The following RTN3 variants were observed in gnomAD, a reference collection of about 807,000 sequenced individuals.
RTN3 encodes reticulon 3, also known as reticulon-3.
Under a neutral mutation model 77.8 loss-of-function variants are expected in RTN3, and 49 were observed. The ratio of observed to expected loss-of-function variants is 0.63; its 90% confidence interval spans 0.50 to 0.80. RTN3 has a LOEUF of 0.80. Among genes scored for constraint, RTN3 ranks in the 30% least tolerant of loss-of-function variants. The pLI is 0.00. For missense variants in RTN3, 1,236 were observed against 1,211.9 expected (o/e 1.02, Z -0.29); for synonymous variants, 464 against 446.9 (o/e 1.04, Z -0.48).
At chr11:63,733,932 G>A (rs992771028) in intron 3 of RTN3, among the ~76,000 whole-genome samples, 2 of 151,732 alleles carry the variant, frequency 1.3e-5, no homozygotes, top group African/African-American at 2.4e-5. Flanking sequence ...ATGTATATAT[G>A]TATATACACA....
At chr11:63,712,380 A>G (rs990453350) in intron 2 of RTN3, among the ~76,000 whole-genome samples, 4 of 152,188 alleles carry the variant, frequency 2.6e-5, no homozygotes, top group African/African-American at 7.2e-5. Flanking sequence ...TAATCCTCAC[A>G]GCAGTTCTAA....
intron 1 of RTN3, among the ~76,000 whole-genome samples, chr11:63,694,525 T>A (rs1053681206): frequency 2.0e-4 from 30 of 152,008 alleles, no homozygotes; most frequent in African/African-American, 7.2e-4. Flanking sequence ...CAGTCTGGAG[T>A]GCAGTGGCAT....
At chr11:63,733,941 C>T (rs748928028) in intron 3 of RTN3, among the ~76,000 whole-genome samples, 1 of 151,896 alleles carries the variant, frequency 6.6e-6, no homozygotes, top group Admixed American at 6.6e-5. Flanking sequence ...TGTATATACA[C>T]ACAGACACAC....
chr11:63,728,761 C>T (rs901231325), intron 3 of RTN3, among the ~76,000 whole-genome samples: 7 of 151,978 alleles, frequency 4.6e-5, no homozygotes, highest in African/African-American at 1.7e-4. Flanking sequence ...GCAGTGCACA[C>T]CTGTAATCCC....
At chr11:63,698,896 CCT>C (rs1456779099) in intron 1 of RTN3, 1 of 154,308 alleles carries the variant, frequency 6.5e-6, no homozygotes, top group African/African-American at 2.4e-5. Flanking sequence ...ACAGCATTTA[CCT>C]CTCTCCTGAG....
chr11:63,756,175 G>C lies in RTN3; in HGVS notation c.3053+5G>C. The C allele has an allele frequency of 6.2e-7, 1 of 1,604,348 alleles. No homozygotes were observed. The highest frequency in any genetic ancestry group is 8.5e-7 in the Non-Finnish European group (1 of 1,171,216). On this transcript the variant is annotated splice_donor_5th_base_variant and intron_variant, in intron 8 of 8. Transcript: ENST00000377819. Reference sequence around the variant, plus strand: ...GACCAAGTCAATTGTTGAAAAGTAAGTACATTTAGAGACCACATCATCATG... The same window carrying C: ...GACCAAGTCAATTGTTGAAAAGTAACTACATTTAGAGACCACATCATCATG...
chr11:63,711,141 A>G (rs2011150145), intron 2 of RTN3, among the ~76,000 whole-genome samples: 1 of 151,872 alleles, frequency 6.6e-6, no homozygotes, highest in South Asian at 2.1e-4. Flanking sequence ...TTAGCTGGGT[A>G]TGGTGGTGCA....
intron 2 of RTN3, among the ~76,000 whole-genome samples, chr11:63,712,646 C>G: frequency 6.6e-6 from 1 of 151,768 alleles, no homozygotes; most frequent in South Asian, 2.1e-4. Context: ...CCACCACACT[C>G]GGCTAATTTT....
chr11:63,754,566 G>T (rs2014265251), intron 7 of RTN3, among the ~76,000 whole-genome samples: 2 of 152,052 alleles, frequency 1.3e-5, no homozygotes, highest in African/African-American at 4.8e-5. Context: ...CGGGTGTGGT[G>T]GCAGGCGCCT....
At chr11:63,740,354 T>C (rs1473312979) in intron 3 of RTN3, among the ~76,000 whole-genome samples, 1 of 151,600 alleles carries the variant, frequency 6.6e-6, no homozygotes, top group Non-Finnish European at 1.5e-5. Context: ...TGATCTTGGC[T>C]CACTGCAGCC....
At position 63,752,631 on chromosome 11, in the gene RTN3, G is replaced by A. The variant is rs559750267; in HGVS notation, c.2863G>A (p.Val955Ile). The A allele has an allele frequency of 2.0e-5, 32 of 1,613,946 alleles. 1 individual carries two copies. The highest frequency in any genetic ancestry group is 3.3e-4 in the Middle Eastern group (2 of 6,062). The change falls in exon 5 of 9, where the codon GTT (valine) becomes ATT (isoleucine). Residue 955 changes from valine to isoleucine, a missense_variant. By Grantham distance (29) the Val-to-Ile change is conservative. Around this residue, in one of 3 missense-constraint regions of RTN3, gnomAD observed 141 missense variants for 154.9 expected, o/e 0.91. Coordinates refer to ENST00000377819, the MANE Select transcript of RTN3 (RefSeq NM_001265589.2). Reference protein sequence around the residue: ...IIRLFLVEDLVDSLKLAVFMW... With the variant: ...IIRLFLVEDLIDSLKLAVFMW... ...TCGTCTCTTTCTGGTAGAAGATCTG[G>A]TTGACTCCTTGAAGGTTAGTTGTTT...
At chr11:63,742,019 G>T (rs1590874907) in intron 3 of RTN3, among the ~76,000 whole-genome samples, 3 of 140,712 alleles carry the variant, frequency 2.1e-5, no homozygotes, top group African/African-American at 5.3e-5. Flanking sequence ...TCGCTCTGTT[G>T]CCCAGGCTGG....
chr11:63,702,819 G>A (rs900226054), intron 1 of RTN3, among the ~76,000 whole-genome samples: 2 of 151,628 alleles, frequency 1.3e-5, no homozygotes, highest in African/African-American at 4.9e-5. Context: ...CTGAGTAGCT[G>A]GGACTACAGG....
chr11:63,693,571 T>G lies in RTN3; in HGVS notation c.143-11280T>G, dbSNP rs1215624300. ...AAACTTTAGGTTAAGAACATTTGGT[T>G]TTTGAAAGTCAAATTGTAAACTTTG... On this transcript the variant is annotated intron_variant, in intron 1 of 8. Coordinates refer to ENST00000377819, the MANE Select transcript of RTN3 (RefSeq NM_001265589.2). Among the ~76,000 whole-genome samples the G allele has an allele frequency of 2.0e-5, 3 of 152,222 alleles. No individual in the cohort carries two copies. The East Asian group carries it at 5.8e-4, about 29-fold the overall frequency.
At chr11:63,728,437 A>G (rs1178411541) in intron 3 of RTN3, among the ~76,000 whole-genome samples, 1 of 152,210 alleles carries the variant, frequency 6.6e-6, no homozygotes, top group African/African-American at 2.4e-5. Context: ...CTCAGAGGCC[A>G]TCTCCAAGGA....
rs751028596 is a variant in RTN3, at chr11:63,681,595, C to T, written c.-42C>T. ...TATTTCCCCTCCCTCTCTCCCGCCC[C>T]GTATCTCTTTTCACCCTTCTCCCAC... On this transcript the variant is annotated 5_prime_UTR_variant, in exon 1 of 9. Coordinates refer to ENST00000377819, the MANE Select transcript of RTN3 (RefSeq NM_001265589.2). The T allele has an allele frequency of 6.5e-7, 1 of 1,545,178 alleles. No individual in the cohort carries two copies. Among genetic ancestry groups the T allele is most frequent in the South Asian group, 1.2e-5 (1 of 84,982 alleles).
rs1364556221 is a variant in RTN3, at chr11:63,753,154, G to A, written c.2947+16G>A. 6.2e-7 allele frequency: 1 copy of A among 1,609,380 alleles called. No homozygotes were observed. The highest frequency in any genetic ancestry group is 2.2e-5 in the East Asian group (1 of 44,864). On this transcript the variant is annotated intron_variant, in intron 6 of 8. Coordinates refer to ENST00000377819, the MANE Select transcript of RTN3 (RefSeq NM_001265589.2). Reference sequence around the variant, plus strand: ...CTAATTCTTGGTAAGGTGGCAAGGAGAATGTGCCCATGCTCTTTGAAGTAG... The same window carrying A: ...CTAATTCTTGGTAAGGTGGCAAGGAAAATGTGCCCATGCTCTTTGAAGTAG...
chr11:63,715,593 G>A (rs2134792641), intron 2 of RTN3, among the ~76,000 whole-genome samples: 1 of 152,244 alleles, frequency 6.6e-6, no homozygotes, highest in East Asian at 1.9e-4. Flanking sequence ...GGGGGGCGGA[G>A]GTTGCAGTGA....
chr11:63,709,818 A>T (rs571907794), intron 2 of RTN3, among the ~76,000 whole-genome samples: 1 of 152,322 alleles, frequency 6.6e-6, no homozygotes, highest in African/African-American at 2.4e-5. Context: ...CATAGTATGG[A>T]TATGAAAAAG....
Sources: allele counts gnomAD v4.1 joint callset (sites outside exome capture counted in the v4.1 genomes callset), GRCh38; gene constraint gnomAD v4.1.1; regional missense constraint gnomAD v4.1.1; transcripts MANE v1.5; gene names NCBI Gene and HGNC (gene_info 2026-07-23, HGNC 2026-07-21).